The following RBFOX1 variants were observed in gnomAD, a reference collection of about 807,000 sequenced individuals.
RBFOX1 encodes the protein RNA binding protein fox-1 homolog 1.
A neutral mutation model predicts 57.7 loss-of-function variants in RBFOX1; 8 were observed. The observed-to-expected ratio is 0.14, with a 90% CI of 0.08 to 0.25. RBFOX1 has a LOEUF of 0.25. RBFOX1 is among the 10% of genes least tolerant of loss of function. The pLI, the probability that RBFOX1 is intolerant of heterozygous loss-of-function variation, is 1.00. For missense variants in RBFOX1, 611 were observed against 548.5 expected, an observed-to-expected ratio of 1.11 and a Z score of -1.14; for synonymous variants, 326 against 222.4, an observed-to-expected ratio of 1.47 and a Z score of -4.15.
chr16:5,613,378 G>A (rs1179337275), intron 3 of RBFOX1, among the ~76,000 whole-genome samples: 1 of 152,110 alleles, frequency 6.6e-6, no homozygotes, highest in African/African-American at 2.4e-5. Context: ...ATTTCTGTAC[G>A]TGGGTGCAAC....
At chr16:6,518,066 G>A (rs189944869) in intron 2 of RBFOX1, among the ~76,000 whole-genome samples, 27 of 152,244 alleles carry the variant, frequency 1.8e-4, no homozygotes, top group Non-Finnish European at 3.7e-4. Context: ...TCAAGTTGGA[G>A]ATTTTCCTTT....
chr16:5,573,438 T>C (rs1309973397), intron 2 of RBFOX1, among the ~76,000 whole-genome samples: 2 of 152,312 alleles, frequency 1.3e-5, no homozygotes, highest in East Asian at 3.9e-4. Context: ...CCCACCTGAA[T>C]ATACTGGATT....
At chr16:5,740,514 CAATT>C (rs2151589475) in intron 3 of RBFOX1, among the ~76,000 whole-genome samples, 1 of 152,280 alleles carries the variant, frequency 6.6e-6, no homozygotes, top group Non-Finnish European at 1.5e-5. Context: ...AGTTAGGACT[CAATT>C]GATTACACGT....
chr16:6,919,340 A>G (rs1016119833), intron 3 of RBFOX1, among the ~76,000 whole-genome samples: 1 of 152,046 alleles, frequency 6.6e-6, no homozygotes, highest in East Asian at 1.9e-4. Flanking sequence ...ACATGTATTA[A>G]TTTCTCCAAA....
chr16:6,936,284 G>A (rs766474109), intron 3 of RBFOX1, among the ~76,000 whole-genome samples: 5 of 152,110 alleles, frequency 3.3e-5, no homozygotes, highest in Non-Finnish European at 7.3e-5. Flanking sequence ...ATTGCCTTCC[G>A]TTTTATGCCG....
At chr16:6,553,815 A>G (rs1363884383) in intron 2 of RBFOX1, among the ~76,000 whole-genome samples, 1 of 152,224 alleles carries the variant, frequency 6.6e-6, no homozygotes, top group Admixed American at 6.5e-5. Context: ...TCATGGAGAC[A>G]GCAACCCGTG....
chr16:7,152,094 C>G (rs1365584608), intron 4 of RBFOX1, among the ~76,000 whole-genome samples: 3 of 152,180 alleles, frequency 2.0e-5, no homozygotes, highest in African/African-American at 4.8e-5. Context: ...AAAGCAAAAC[C>G]TTCTCACACA....
intron 4 of RBFOX1, among the ~76,000 whole-genome samples, chr16:7,268,262 G>C (rs1244066331): frequency 6.6e-6 from 1 of 152,190 alleles, no homozygotes; most frequent in Non-Finnish European, 1.5e-5. Flanking sequence ...GTGTAGGACT[G>C]TGTTTGCATT....
intron 3 of RBFOX1, among the ~76,000 whole-genome samples, chr16:5,618,267 T>C (rs2048100388): frequency 1.3e-5 from 2 of 152,194 alleles, no homozygotes; most frequent in South Asian, 4.1e-4. Context: ...GCTGTGATGA[T>C]GGCTGTGTGG....
At chr16:6,704,173 T>G (rs1212402082) in intron 3 of RBFOX1, 1 of 152,190 alleles carries the variant, frequency 6.6e-6, no homozygotes, top group Non-Finnish European at 1.5e-5. Context: ...ATCATCCCCA[T>G]GTTGTGTGTA....
Position 5,383,655 on chromosome 16 carries a change from G to T in RBFOX1, c.220-83561G>T, listed in dbSNP as rs182879684. ...CATAAAAGCATTTTGAAACTTAGAA[G>T]TTGAATTTCATTGCAACACATGTTT... On this transcript the variant is annotated intron_variant, in intron 1 of 2. Coordinates refer to the RBFOX1 transcript ENST00000585867. 5.3e-5 allele frequency among the ~76,000 whole-genome samples: 8 copies of T among 152,310 alleles called. No homozygotes were observed. In the South Asian group the frequency reaches 1.2e-3, roughly 24 times the overall value.
intron 1 of RBFOX1, chr16:5,270,251 TAAGA>T: frequency 1.8e-6 from 1 of 562,844 alleles, no homozygotes; most frequent in Admixed American, 2.5e-5. Context: ...ATCCATTTTC[TAAGA>T]AAGATCAGTA....
chr16:7,468,988 C>T (rs140812337), intron 4 of RBFOX1, among the ~76,000 whole-genome samples: 1,754 of 152,064 alleles, frequency 0.012, 33 homozygotes, highest in Non-Finnish European at 0.019. Context: ...GGCTGGAGTG[C>T]AGTGTTGCCA....
intron 2 of RBFOX1, among the ~76,000 whole-genome samples, chr16:6,642,641 A>C (rs1307038266): frequency 7.3e-6 from 1 of 137,552 alleles, no homozygotes; most frequent in Non-Finnish European, 1.6e-5. Flanking sequence ...CACAGGAGGT[A>C]GGGATGCCAA....
At chr16:5,496,098 C>T (rs1296722664) in intron 2 of RBFOX1, among the ~76,000 whole-genome samples, 1 of 152,078 alleles carries the variant, frequency 6.6e-6, no homozygotes, top group Non-Finnish European at 1.5e-5. Flanking sequence ...CACACTCCAG[C>T]CTGGGTGACA....
intron 4 of RBFOX1, among the ~76,000 whole-genome samples, chr16:7,237,030 A>G (rs926157438): frequency 6.6e-6 from 1 of 152,222 alleles, no homozygotes; most frequent in Non-Finnish European, 1.5e-5. Context: ...AGGTTATTGC[A>G]TCACCCATCA....
chr16:7,499,633 C>G (rs903900362), intron 4 of RBFOX1, among the ~76,000 whole-genome samples: 1 of 151,984 alleles, frequency 6.6e-6, no homozygotes, highest in Admixed American at 6.6e-5. Flanking sequence ...AAAAATCAAA[C>G]GAGAAAAAAC....
chr16:6,767,498 C>T (rs1567163308), intron 3 of RBFOX1, among the ~76,000 whole-genome samples: 1 of 152,010 alleles, frequency 6.6e-6, no homozygotes, highest in Non-Finnish European at 1.5e-5. Flanking sequence ...TTGCTTAAGC[C>T]AATTTGAGCC....
chr16:6,206,865 T>C (rs1038231199), intron 1 of RBFOX1, among the ~76,000 whole-genome samples: 13 of 152,296 alleles, frequency 8.5e-5, no homozygotes, highest in Admixed American at 2.0e-4. Context: ...TTTTGGGACA[T>C]TTTATCTCCC....
Sources: allele counts gnomAD v4.1 joint callset (sites outside exome capture counted in the v4.1 genomes callset), GRCh38; gene constraint gnomAD v4.1.1; transcripts MANE v1.5; gene names NCBI Gene and HGNC (gene_info 2026-07-23, HGNC 2026-07-21).